Variants in ITGBL1 observed in about 807,000 individuals in gnomAD.
ITGBL1 encodes integrin subunit beta like 1.
In ITGBL1, 51 loss-of-function variants were observed where a neutral mutation model predicts 68.5. The observed-to-expected ratio is 0.74, with a 90% confidence interval of 0.59 to 0.94. The LOEUF is 0.94. Ranked by LOEUF, ITGBL1 falls within the 40% of genes least tolerant of loss-of-function variation. ITGBL1 has a pLI of 0.00. For synonymous variants in ITGBL1, 209 were observed against 227.3 expected (o/e 0.92, Z 0.72); for missense variants, 649 against 647.4 (o/e 1.00, Z -0.03).
chr13:101,579,368 C>A lies in ITGBL1; in HGVS notation c.668C>A (p.Thr223Asn). Residue 223 changes from threonine to asparagine, a missense_variant, in exon 5 of 11, where the codon ACC (threonine) becomes AAC (asparagine). Coordinates refer to ENST00000376180, the MANE Select transcript of ITGBL1 (RefSeq NM_004791.3). ...GDKCEFQCDI[T>N]PWESKRRCTS... ...AAATGTGAATTCCAGTGCGATATCA[C>A]CCCCTGGGAAAGCAAGCGAAGATGC... 1.2e-6 allele frequency: 2 copies of A among 1,613,874 alleles called. No individual in the cohort carries two copies. Among genetic ancestry groups the A allele is most frequent in the South Asian group, 2.2e-5 (2 of 91,084 alleles).
At chr13:101,657,725 G>C (rs2032971419) in intron 7 of ITGBL1, among the ~76,000 whole-genome samples, 1 of 152,094 alleles carries the variant, frequency 6.6e-6, no homozygotes, top group African/African-American at 2.4e-5. Context: ...TTTACATGTT[G>C]AACACTACAT....
intron 7 of ITGBL1, among the ~76,000 whole-genome samples, chr13:101,688,966 A>G (rs1031693026): frequency 5.3e-5 from 8 of 152,010 alleles, no homozygotes; most frequent in African/African-American, 1.9e-4. Flanking sequence ...TGGGAGGCCA[A>G]GGCGGGTGGA....
Position 101,454,085 on chromosome 13 carries a change from G to T in ITGBL1, c.301G>T (p.Gly101Trp). The change falls in exon 2 of 11, where the codon GGG becomes TGG. Residue 101 changes from glycine to tryptophan, a missense_variant. Gly to Trp is a radical substitution (Grantham distance 184). Coordinates refer to ENST00000376180, the MANE Select transcript of ITGBL1 (RefSeq NM_004791.3). ...CHEWVCETYD[G>W]STCAGHGKCD... The stretch of plus-strand genomic sequence containing the variant: ...TGAGTGGGTGTGCGAGACCTACGAC[G>T]GGAGCACCTGTGCAGGTAAGAGGGC... 6.3e-7 allele frequency: 1 copy of T among 1,575,402 alleles called. No homozygotes were observed. The highest frequency in any genetic ancestry group is 2.3e-5 in the East Asian group (1 of 42,660).
At chr13:101,601,333 T>C (rs1416198158) in intron 7 of ITGBL1, among the ~76,000 whole-genome samples, 1 of 152,170 alleles carries the variant, frequency 6.6e-6, no homozygotes, top group Non-Finnish European at 1.5e-5. Flanking sequence ...TCTTTTCTTC[T>C]TTATTAGTCT....
intron 7 of ITGBL1, among the ~76,000 whole-genome samples, chr13:101,617,297 A>G (rs1594933409): frequency 6.6e-6 from 1 of 152,136 alleles, no homozygotes; most frequent in South Asian, 2.1e-4. Flanking sequence ...TTATTTTACT[A>G]TAAGTCATAA....
In ITGBL1 at chr13:101,471,542, G is replaced by GTA. The variant is rs961995647; in HGVS notation, c.316+17443_316+17444insAT. ...TGTGTGTGTGTATGTATGTGTGTGT[G>GTA]TGTGTGTGTGTGTGTGTGTGTGTGT... On this transcript the variant is annotated intron_variant, in intron 2 of 10. Coordinates refer to ENST00000376180, the MANE Select transcript of ITGBL1 (RefSeq NM_004791.3). Among the ~76,000 whole-genome samples the GTA allele has an allele frequency of 5.5e-4, 35 of 63,202 alleles. 1 individual carries two copies. The East Asian group carries it at 6.0e-3, about 11-fold the overall frequency. The allele number at this position is 63,202 out of a possible 152,430, so 41.5% of individuals were successfully genotyped here. A position where few individuals can be genotyped will look rare whatever the true frequency, so the allele number is the denominator to read the frequency against.
intron 7 of ITGBL1, among the ~76,000 whole-genome samples, chr13:101,604,509 T>A (rs939372728): frequency 4.0e-5 from 6 of 151,700 alleles, no homozygotes; most frequent in African/African-American, 1.5e-4. Context: ...TTGCAGGGAA[T>A]CATGACAGTA....
At chr13:101,564,040 CTAAA>C (rs2050141640) in intron 2 of ITGBL1, among the ~76,000 whole-genome samples, 1 of 151,844 alleles carries the variant, frequency 6.6e-6, no homozygotes. Context: ...TAGTCACAGA[CTAAA>C]TATTGTTAAG....
At chr13:101,573,852 C>A (rs192886695) in intron 3 of ITGBL1, among the ~76,000 whole-genome samples, 1 of 152,196 alleles carries the variant, frequency 6.6e-6, no homozygotes, top group Non-Finnish European at 1.5e-5. Flanking sequence ...TTCCTTGGTT[C>A]CTTCCCATCC....
At chr13:101,692,315 C>G (rs1018013210) in intron 7 of ITGBL1, among the ~76,000 whole-genome samples, 1 of 152,024 alleles carries the variant, frequency 6.6e-6, no homozygotes, top group Non-Finnish European at 1.5e-5. Flanking sequence ...TGGATTTATT[C>G]AAAAATGAAT....
intron 2 of ITGBL1, among the ~76,000 whole-genome samples, chr13:101,564,884 A>G (rs951000996): frequency 4.6e-5 from 7 of 151,940 alleles, no homozygotes; most frequent in Non-Finnish European, 7.4e-5. Context: ...ATAAAATTTA[A>G]AAAAAGAAGA....
intron 2 of ITGBL1, among the ~76,000 whole-genome samples, chr13:101,560,671 A>C (rs2050085118): frequency 1.3e-5 from 2 of 152,230 alleles, no homozygotes; most frequent in Admixed American, 6.5e-5. Context: ...TATGCATTAC[A>C]TCCCTCTGTA....
chr13:101,467,615 C>T (rs187394126), intron 2 of ITGBL1, among the ~76,000 whole-genome samples: 3 of 152,172 alleles, frequency 2.0e-5, no homozygotes, highest in Admixed American at 2.0e-4. Flanking sequence ...AATCATCTTA[C>T]TTAAGGCTGG....
chr13:101,477,306 A>G lies in ITGBL1; in HGVS notation c.316+23206A>G, dbSNP rs963794446. ...ATTTCTTAAAACAAATGGAAAGACT[A>G]CATACCCAAACCTATGGAATACAAT... On this transcript the variant is annotated intron_variant, in intron 2 of 10. Coordinates refer to ENST00000376180, the MANE Select transcript of ITGBL1 (RefSeq NM_004791.3). 3.3e-5 allele frequency among the ~76,000 whole-genome samples: 5 copies of G among 152,174 alleles called. No individual in the cohort carries two copies. In the South Asian group the frequency reaches 8.3e-4, roughly 25 times the overall value.
chr13:101,606,226 GAAATTAAGTT>G (rs1274628900), intron 7 of ITGBL1, among the ~76,000 whole-genome samples: 3 of 146,360 alleles, frequency 2.0e-5, no homozygotes, highest in Admixed American at 6.9e-5. Context: ...ATATGTATCA[GAAATTAAGTT>G]AAATTTCTAA....
rs554921087 is a variant in ITGBL1 at position 101,694,628 on chromosome 13, C to T, written c.1132+1927C>T. Among the ~76,000 whole-genome samples the T allele has an allele frequency of 3.6e-4, 55 of 152,122 alleles. 1 individual carries two copies. Among genetic ancestry groups the T allele is most frequent in the Admixed American group, 3.4e-3 (52 of 15,274 alleles). ...GAGATTTGGGGGTCTCACTAAGTGG[C>T]CCAGATTGATCTTGAACTCCTGGGC... On this transcript the variant is annotated intron_variant, in intron 8 of 10. Coordinates refer to ENST00000376180, the MANE Select transcript of ITGBL1 (RefSeq NM_004791.3).
intron 2 of ITGBL1, among the ~76,000 whole-genome samples, chr13:101,514,073 C>T (rs1249019697): frequency 6.6e-6 from 1 of 152,004 alleles, no homozygotes; most frequent in Admixed American, 6.6e-5. Flanking sequence ...AACACAAACA[C>T]ATGTTCTGTG....
chr13:101,639,770 C>T (rs1374052403), intron 7 of ITGBL1, among the ~76,000 whole-genome samples: 1 of 152,100 alleles, frequency 6.6e-6, no homozygotes, highest in East Asian at 1.9e-4. Flanking sequence ...GGTTGCTTCT[C>T]CTCTAAAATG....
At chr13:101,619,026 C>T (rs1330814563) in intron 7 of ITGBL1, among the ~76,000 whole-genome samples, 2 of 151,938 alleles carry the variant, frequency 1.3e-5, no homozygotes, top group Non-Finnish European at 2.9e-5. Flanking sequence ...TTAAGGAGTC[C>T]TTCTGAGCAG....
Sources: allele counts gnomAD v4.1 joint callset (sites outside exome capture counted in the v4.1 genomes callset), GRCh38; gene constraint gnomAD v4.1.1; transcripts MANE v1.5; gene names NCBI Gene and HGNC (gene_info 2026-07-23, HGNC 2026-07-21).